Variants in TENM4 observed in about 807,000 individuals in gnomAD.
TENM4 encodes teneurin transmembrane protein 4, also known as teneurin-4.
A neutral mutation model predicts 243.3 loss-of-function variants in TENM4; 82 were observed. That is an observed-to-expected ratio of 0.34 (90% confidence interval 0.28 to 0.40). The LOEUF (loss-of-function observed/expected upper bound fraction) is 0.40. Among genes scored for constraint, TENM4 ranks in the 10% least tolerant of loss-of-function variants. The probability of loss-of-function intolerance (pLI) is 1.00; values close to 1 mark genes in which losing one functional copy is unlikely to be tolerated. For synonymous variants in TENM4, 1,412 were observed against 1,456.3 expected, an observed-to-expected ratio of 0.97 and a Z score of 0.69; for missense variants, 3,138 against 3,673.3, an observed-to-expected ratio of 0.85 and a Z score of 3.77.
At chr11:79,181,973 C>A (rs190118253) in intron 3 of TENM4, among the ~76,000 whole-genome samples, 4 of 150,120 alleles carry the variant, frequency 2.7e-5, no homozygotes, top group African/African-American at 9.8e-5. Context: ...AACTGTTCCA[C>A]GTTTATAAAC....
At chr11:78,935,106 G>T (rs1856756572) in intron 6 of TENM4, among the ~76,000 whole-genome samples, 1 of 137,700 alleles carries the variant, frequency 7.3e-6, no homozygotes, top group Non-Finnish European at 1.5e-5. Context: ...CCGCTTCCCG[G>T]GTTCACGCCA....
intron 7 of TENM4, among the ~76,000 whole-genome samples, chr11:78,899,563 G>GC (rs967004451): frequency 2.9e-5 from 4 of 136,304 alleles, no homozygotes; most frequent in East Asian, 2.5e-4. Flanking sequence ...AAAAAGCGGG[G>GC]GGGGGGGGAA....
At chr11:79,208,577 C>A (rs1372825731) in intron 3 of TENM4, among the ~76,000 whole-genome samples, 1 of 152,190 alleles carries the variant, frequency 6.6e-6, no homozygotes, top group Non-Finnish European at 1.5e-5. Context: ...TAGCAGATGA[C>A]CTTGATCCAA....
At chr11:78,685,972 G>A (rs1858657402) in intron 29 of TENM4, among the ~76,000 whole-genome samples, 1 of 152,208 alleles carries the variant, frequency 6.6e-6, no homozygotes, top group African/African-American at 2.4e-5. Context: ...AGGCACTTCA[G>A]GACTCAGAAG....
At chr11:78,775,024 CAAG>C (rs1027806687) in intron 17 of TENM4, among the ~76,000 whole-genome samples, 1 of 152,168 alleles carries the variant, frequency 6.6e-6, no homozygotes, top group Non-Finnish European at 1.5e-5. Context: ...ATGAGGTCCT[CAAG>C]AAGAAGCTCC....
intron 6 of TENM4, among the ~76,000 whole-genome samples, chr11:79,048,240 C>G (rs531893233): frequency 6.6e-6 from 1 of 152,310 alleles, no homozygotes; most frequent in Non-Finnish European, 1.5e-5. Flanking sequence ...TAAGGTCACT[C>G]TACAGTCATG....
rs1471397652 is a variant in TENM4 at position 78,924,701 on chromosome 11, C to A, written c.494-21178G>T. On this transcript the variant is annotated intron_variant, in intron 6 of 33. Coordinates refer to ENST00000278550, the MANE Select transcript of TENM4 (RefSeq NM_001098816.3). ...AATGTTCGGCCCTAACAGCTGTCTGCCACTGTGTTTCTGGTGATGAGTTGG... is the reference window on the plus strand; with the variant it reads ...AATGTTCGGCCCTAACAGCTGTCTGACACTGTGTTTCTGGTGATGAGTTGG... 3.9e-5 allele frequency: 6 copies of A among 152,278 alleles called. No individual in the cohort carries two copies. The East Asian group carries it at 1.2e-3, about 29-fold the overall frequency. The allele number at this position is 152,278 out of a possible 1,614,324, so 9.4% of individuals were successfully genotyped here. A position where few individuals can be genotyped will look rare whatever the true frequency, so the allele number is the denominator to read the frequency against.
intron 1 of TENM4, among the ~76,000 whole-genome samples, chr11:79,437,685 C>T (rs1859304763): frequency 6.6e-6 from 1 of 152,084 alleles, no homozygotes; most frequent in Admixed American, 6.5e-5. Context: ...GGGGCTGGGG[C>T]GAGGGAGCTG....
chr11:79,243,653 C>T (rs1239058458), intron 2 of TENM4, among the ~76,000 whole-genome samples: 2 of 152,222 alleles, frequency 1.3e-5, no homozygotes, highest in Non-Finnish European at 1.5e-5. Flanking sequence ...GTCACCCGCT[C>T]ACCAGGGACA....
chr11:78,976,820 G>A (rs1226684884), intron 6 of TENM4, among the ~76,000 whole-genome samples: 2 of 152,078 alleles, frequency 1.3e-5, no homozygotes, highest in African/African-American at 2.4e-5. Context: ...ATCCTAAATT[G>A]CACTCTGTAC....
At chr11:79,164,052 C>G (rs1314979131) in intron 3 of TENM4, among the ~76,000 whole-genome samples, 11 of 18,014 alleles carry the variant, frequency 6.1e-4, no homozygotes, top group African/African-American at 1.3e-3. Flanking sequence ...ACTATAAATA[C>G]TATGTATATA....
intron 28 of TENM4, among the ~76,000 whole-genome samples, chr11:78,699,205 T>C (rs1565337826): frequency 6.6e-6 from 1 of 152,192 alleles, no homozygotes; most frequent in Non-Finnish European, 1.5e-5. Context: ...ACACTGAGCT[T>C]TCCATATTTT....
At chr11:79,211,799 C>T (rs1240219695) in intron 3 of TENM4, among the ~76,000 whole-genome samples, 1 of 151,588 alleles carries the variant, frequency 6.6e-6, no homozygotes, top group Non-Finnish European at 1.5e-5. Context: ...AAATGAAAAC[C>T]CTTTGGGGTC....
At chr11:79,109,020 G>A (rs528056597) in intron 4 of TENM4, among the ~76,000 whole-genome samples, 13 of 152,136 alleles carry the variant, frequency 8.5e-5, no homozygotes, top group South Asian at 4.1e-4. Flanking sequence ...CCATCTCCTC[G>A]ATTTTATGAA....
At chr11:79,139,912 G>A (rs1187118720) in intron 4 of TENM4, among the ~76,000 whole-genome samples, 1 of 148,264 alleles carries the variant, frequency 6.7e-6, no homozygotes, top group African/African-American at 2.5e-5. Context: ...TGGCATAAGT[G>A]AGTGCTATAA....
intron 6 of TENM4, among the ~76,000 whole-genome samples, chr11:78,944,439 A>G (rs1272018945): frequency 6.6e-6 from 1 of 152,220 alleles, no homozygotes; most frequent in East Asian, 1.9e-4. Flanking sequence ...CCTTACTTTG[A>G]AACAACAAAT....
intron 6 of TENM4, among the ~76,000 whole-genome samples, chr11:78,964,973 T>G (rs1857407315): frequency 6.6e-6 from 1 of 152,154 alleles, no homozygotes; most frequent in African/African-American, 2.4e-5. Flanking sequence ...GTTCAAGAGA[T>G]TCTCCTGCCT....
At chr11:79,350,139 C>T (rs969873898) in intron 1 of TENM4, among the ~76,000 whole-genome samples, 54 of 152,190 alleles carry the variant, frequency 3.5e-4, no homozygotes, top group African/African-American at 1.1e-3. Flanking sequence ...ATAACTGTGC[C>T]TCCTGTTAGA....
intron 6 of TENM4, among the ~76,000 whole-genome samples, chr11:79,018,096 C>T (rs1858826053): frequency 6.6e-6 from 1 of 152,142 alleles, no homozygotes; most frequent in Non-Finnish European, 1.5e-5. Context: ...GAAGCCACTT[C>T]TCCATCTGAA....
Sources: gnomAD v4.1 joint callset for allele counts (sites outside exome capture counted in the v4.1 genomes callset) on GRCh38, gnomAD v4.1.1 for gene constraint, MANE v1.5 for transcripts, NCBI Gene and HGNC (gene_info 2026-07-23, HGNC 2026-07-21) for gene names.